PYGB: variants seen among roughly 807,000 people sequenced by gnomAD.
The protein encoded by PYGB is glycogen phosphorylase, brain form.
PYGB carries 82 observed loss-of-function variants against 94.3 expected under a neutral mutation model. That is an observed-to-expected ratio of 0.87 (90% CI 0.73 to 1.04). PYGB has a LOEUF of 1.04. PYGB is among the 50% of genes least tolerant of loss of function. The pLI is 0.00. For missense variants in PYGB, 1,132 were observed against 1,158.2 expected, an observed-to-expected ratio of 0.98 and a Z score of 0.33; for synonymous variants, 488 against 479.1, an observed-to-expected ratio of 1.02 and a Z score of -0.24.
intron 13 of PYGB, among the ~76,000 whole-genome samples, 177 bp from the exon 14 acceptor site, chr20:25,283,925 CCT>C (rs923550930): frequency 6.6e-5 from 10 of 152,084 alleles, no homozygotes; most frequent in Non-Finnish European, 1.0e-4. Context: ...TCAGCATCCC[CCT>C]CTCCCCTTTT....
At chr20:25,251,522 A>G (rs2092888081) in intron 1 of PYGB, among the ~76,000 whole-genome samples, 1 of 152,236 alleles carries the variant, frequency 6.6e-6, no homozygotes, top group South Asian at 2.1e-4. Context: ...CTTATGCTAG[A>G]TACAGCACAA....
chr20:25,290,618 G>A lies in PYGB; in HGVS notation c.1965G>A (p.Glu655=). 1 of 1,596,452 alleles carries A rather than the reference G, an allele frequency of 6.3e-7. No individual in the cohort carries two copies. ...FLENYRVSLA[E]KVIPAADLSQ... is the part of the protein sequence containing the mutation. ...AGAACTACCGTGTGTCCTTGGCTGAGAAAGGTAACCCTGGAAGCCTGTGTT... is the reference window on the plus strand; with the variant it reads ...AGAACTACCGTGTGTCCTTGGCTGAAAAAGGTAACCCTGGAAGCCTGTGTT... The change falls in exon 16 of 20, where the codon GAG becomes GAA. Residue 655 remains glutamate (E), a synonymous_variant. Coordinates refer to ENST00000216962, the MANE Select transcript of PYGB (RefSeq NM_002862.4).
intron 1 of PYGB, among the ~76,000 whole-genome samples, chr20:25,250,624 G>A (rs2123503379): frequency 6.6e-6 from 1 of 152,216 alleles, no homozygotes; most frequent in African/African-American, 2.4e-5. Flanking sequence ...GCTGGTGATG[G>A]ACCAGCAACC....
intron 15 of PYGB, 148 bp from the exon 16 acceptor site, chr20:25,290,333 G>C: frequency 1.0e-6 from 1 of 1,001,810 alleles, no homozygotes; most frequent in Non-Finnish European, 1.4e-6. Context: ...TGGGGCCGGG[G>C]AGCCTCCCTA....
At chr20:25,276,871 C>A in intron 6 of PYGB, 114 bp downstream of exon 6, 1 of 958,828 alleles carries the variant, frequency 1.0e-6, no homozygotes, top group Non-Finnish European at 1.6e-6. Context: ...GCCGCGCGGC[C>A]CTCCTCTAGG....
intron 1 of PYGB, among the ~76,000 whole-genome samples, chr20:25,257,580 G>C (rs900630267): frequency 3.3e-5 from 5 of 152,166 alleles, no homozygotes; most frequent in African/African-American, 1.2e-4. Flanking sequence ...TGTAGTGCCA[G>C]CTGCTTGGGA....
chr20:25,269,665 TG>T (rs2088249172), intron 3 of PYGB, among the ~76,000 whole-genome samples: 1 of 152,216 alleles, frequency 6.6e-6, no homozygotes, highest in Non-Finnish European at 1.5e-5. Context: ...TGACATGTGA[TG>T]GGTCACCACT....
intron 3 of PYGB, 50 bp from the exon 4 acceptor site, chr20:25,271,333 C>G (rs183964108): frequency 6.4e-7 from 1 of 1,572,802 alleles, no homozygotes. Context: ...CCGCATGGGA[C>G]CTTGGTGCCG....
intron 1 of PYGB, among the ~76,000 whole-genome samples, chr20:25,249,354 C>G (rs1198030459): frequency 6.6e-6 from 1 of 152,212 alleles, no homozygotes. Flanking sequence ...TAGTCTTGCA[C>G]AGCCCCCTGT....
chr20:25,287,249 G>A (rs1600739598), intron 14 of PYGB, among the ~76,000 whole-genome samples: 1 of 152,246 alleles, frequency 6.6e-6, no homozygotes, highest in African/African-American at 2.4e-5. Flanking sequence ...GAGGCAGAGG[G>A]GAGACACAAG....
intron 9 of PYGB, 84 bp from the exon 10 acceptor site, chr20:25,280,182 C>T (rs1185351888): frequency 2.0e-6 from 3 of 1,516,484 alleles, no homozygotes; most frequent in East Asian, 2.3e-5. Flanking sequence ...GCCTGGGATC[C>T]TGGACGCTCA....
Position 25,297,447 on chromosome 20 carries a change from G to GTACACA in PYGB, c.*925_*926insTACACA, listed in dbSNP as rs2088566054. ...GCTGACTCCTGCTGTGTCCTGAGGT[G>GTACACA]CATTTCCTGTTGTACACACAAGGGC... On this transcript the variant is annotated 3_prime_UTR_variant, in exon 20 of 20. Transcript: ENST00000216962. The GTACACA allele has an allele frequency of 6.6e-6, 1 of 152,470 alleles. No homozygotes were observed. Among genetic ancestry groups the GTACACA allele is most frequent in the Non-Finnish European group, 1.5e-5 (1 of 68,070 alleles). The allele number at this position is 152,470 out of a possible 1,614,324, so 9.4% of individuals were successfully genotyped here. A position where few individuals can be genotyped will look rare whatever the true frequency, so the allele number is the denominator to read the frequency against.
chr20:25,290,846 T>C (rs1189545032), intron 16 of PYGB, among the ~76,000 whole-genome samples: 1 of 152,148 alleles, frequency 6.6e-6, no homozygotes, highest in African/African-American at 2.4e-5. Flanking sequence ...ACAGGCAGTG[T>C]CATCCCCCAA....
chr20:25,289,035 G>A (rs2088443048), intron 15 of PYGB, among the ~76,000 whole-genome samples: 1 of 152,188 alleles, frequency 6.6e-6, no homozygotes. Context: ...GGTCCTGCTG[G>A]AGCAGTGGCC....
At chr20:25,274,875 C>A in intron 5 of PYGB, 152 bp downstream of exon 5, 1 of 1,222,708 alleles carries the variant, frequency 8.2e-7, no homozygotes, top group Non-Finnish European at 1.1e-6. Flanking sequence ...TTATTCTCCT[C>A]ACTCCCCAGT....
intron 4 of PYGB, among the ~76,000 whole-genome samples, chr20:25,272,570 G>A (rs1250944578): frequency 2.0e-5 from 3 of 152,264 alleles, no homozygotes; most frequent in Non-Finnish European, 4.4e-5. Flanking sequence ...GCACCTAGGT[G>A]TGGGTGCATA....
Position 25,277,263 on chromosome 20 carries a change from C to G in PYGB, c.792C>G (p.Ile264Met). 6.3e-7 allele frequency: 1 copy of G among 1,576,100 alleles called. No homozygotes were observed. Among genetic ancestry groups the G allele is most frequent in the Non-Finnish European group, 8.7e-7 (1 of 1,145,428 alleles). ...TCTTAGTCAACGTGGGAGACTACAT[C>G]GAGGCGGTCCTGGACCGGAACTTGG... Reference protein sequence around the residue: ...KLQDFNVGDYIEAVLDRNLAE... With the variant: ...KLQDFNVGDYMEAVLDRNLAE... The change falls in exon 7 of 20, where the codon ATC becomes ATG. Residue 264 changes from isoleucine to methionine, a missense_variant. Transcript: ENST00000216962.
At chr20:25,264,403 T>C (rs1456224120) in intron 2 of PYGB, among the ~76,000 whole-genome samples, 1 of 152,110 alleles carries the variant, frequency 6.6e-6, no homozygotes, top group East Asian at 1.9e-4. Context: ...CTATTCAACA[T>C]AGTGTTGGAA....
At chr20:25,293,304 G>C (rs2088490264) in intron 17 of PYGB, among the ~76,000 whole-genome samples, 1 of 151,996 alleles carries the variant, frequency 6.6e-6, no homozygotes, top group South Asian at 2.1e-4. Flanking sequence ...ACTCCACCGG[G>C]GTTCTGTTAC....
Sources: gnomAD v4.1 joint callset for allele counts (sites outside exome capture counted in the v4.1 genomes callset) on GRCh38, gnomAD v4.1.1 for gene constraint, MANE v1.5 for transcripts, NCBI Gene and HGNC (gene_info 2026-07-23, HGNC 2026-07-21) for gene names.